Variants in SEMA6D observed in about 807,000 individuals in gnomAD.
The protein encoded by SEMA6D is semaphorin-6D.
Under a neutral mutation model 106.6 loss-of-function variants are expected in SEMA6D, and 35 were observed. The ratio of observed to expected loss-of-function variants is 0.33; its 90% CI spans 0.25 to 0.44. SEMA6D has a LOEUF of 0.44. Ranked by LOEUF, SEMA6D falls within the 20% of genes least tolerant of loss-of-function variation. The probability of loss-of-function intolerance (pLI) is 1.00; values close to 1 mark genes in which losing one functional copy is unlikely to be tolerated. For synonymous variants in SEMA6D, 499 were observed against 487.7 expected, an observed-to-expected ratio of 1.02 and a Z score of -0.31; for missense variants, 1,185 against 1,345.9, an observed-to-expected ratio of 0.88 and a Z score of 1.87.
At chr15:47,434,549 T>G (rs1297319611) in intron 2 of SEMA6D, among the ~76,000 whole-genome samples, 1 of 152,118 alleles carries the variant, frequency 6.6e-6, no homozygotes, top group African/African-American at 2.4e-5. Context: ...CAGTGATATA[T>G]AAACATAACT....
At chr15:47,238,501 C>A (rs993329418) in intron 1 of SEMA6D, among the ~76,000 whole-genome samples, 2 of 152,054 alleles carry the variant, frequency 1.3e-5, no homozygotes, top group Non-Finnish European at 1.5e-5. Flanking sequence ...TACTATAATA[C>A]GAATTATATT....
At chr15:47,387,604 A>G (rs1052633218) in intron 1 of SEMA6D, among the ~76,000 whole-genome samples, 1 of 152,258 alleles carries the variant, frequency 6.6e-6, no homozygotes. Context: ...TTCTAATTAT[A>G]TGACTAACTG....
chr15:47,250,731 C>T (rs1388491263), intron 1 of SEMA6D, among the ~76,000 whole-genome samples: 1 of 152,138 alleles, frequency 6.6e-6, no homozygotes, highest in African/African-American at 2.4e-5. Flanking sequence ...AATGAGCCAC[C>T]CCAGATTGAG....
chr15:47,233,497 G>T (rs2032345580), intron 1 of SEMA6D, among the ~76,000 whole-genome samples: 1 of 152,010 alleles, frequency 6.6e-6, no homozygotes, highest in East Asian at 1.9e-4. Flanking sequence ...AGTAACGATT[G>T]CATTGTATCT....
At chr15:47,524,275 G>A (rs116670177) in intron 3 of SEMA6D, among the ~76,000 whole-genome samples, 2,448 of 152,244 alleles carry the variant, frequency 0.016, 40 homozygotes, top group African/African-American at 0.038. Context: ...AACATGCTCA[G>A]CCTAATCCTC....
intron 1 of SEMA6D, among the ~76,000 whole-genome samples, chr15:47,379,264 G>T (rs2039555403): frequency 6.6e-6 from 1 of 152,082 alleles, no homozygotes; most frequent in African/African-American, 2.4e-5. Context: ...CTCAAAACTG[G>T]GATTTGAAAG....
At chr15:47,649,449 GA>G (rs933881616) in intron 4 of SEMA6D, among the ~76,000 whole-genome samples, 2 of 151,020 alleles carry the variant, frequency 1.3e-5, no homozygotes, top group Admixed American at 6.6e-5. Flanking sequence ...AATAAAAGAA[GA>G]AAAAAAAAGT....
chr15:47,765,270 G>T, intron 13 of SEMA6D: 1 of 1,326,622 alleles, frequency 7.5e-7, no homozygotes, highest in Non-Finnish European at 9.6e-7. Flanking sequence ...TAAAAATAAT[G>T]CAGCCCTTGT....
At chr15:47,705,538 T>C (rs535027975) in intron 4 of SEMA6D, among the ~76,000 whole-genome samples, 2 of 152,320 alleles carry the variant, frequency 1.3e-5, no homozygotes, top group African/African-American at 4.8e-5. Flanking sequence ...ATACATGACT[T>C]AATAATTTTC....
intron 1 of SEMA6D, among the ~76,000 whole-genome samples, chr15:47,365,818 G>A (rs974930177): frequency 1.3e-5 from 2 of 149,898 alleles, no homozygotes; most frequent in Non-Finnish European, 3.0e-5. Flanking sequence ...CCGAGATCAC[G>A]CCACTGCACT....
At chr15:47,250,782 C>G (rs1309903864) in intron 1 of SEMA6D, among the ~76,000 whole-genome samples, 1 of 152,228 alleles carries the variant, frequency 6.6e-6, no homozygotes, top group Non-Finnish European at 1.5e-5. Flanking sequence ...GCGTATGGCT[C>G]TCTTCTGTCA....
intron 1 of SEMA6D, among the ~76,000 whole-genome samples, chr15:47,299,522 AGCAGGGACT>A (rs1172707489): frequency 1.3e-5 from 2 of 152,258 alleles, no homozygotes; most frequent in African/African-American, 2.4e-5. Context: ...CAGTTGTTTC[AGCAGGGACT>A]GCAGGAGGGC....
exon 2 of SEMA6D, chr15:47,412,444 ATTTAAGG>A (rs1323081550): frequency 6.6e-6 from 1 of 152,622 alleles, no homozygotes; most frequent in African/African-American, 2.4e-5. Context: ...GAGGCCAGCA[ATTTAAGG>A]ATTTCACATT....
At chr15:47,691,079 A>G (rs963164377) in intron 4 of SEMA6D, among the ~76,000 whole-genome samples, 84 of 152,208 alleles carry the variant, frequency 5.5e-4, no homozygotes, top group African/African-American at 1.9e-3. Context: ...ATACCAAAGA[A>G]GCAATATTCA....
At chr15:47,319,669 C>T (rs561218980) in intron 1 of SEMA6D, among the ~76,000 whole-genome samples, 2 of 152,076 alleles carry the variant, frequency 1.3e-5, no homozygotes, top group East Asian at 1.9e-4. Flanking sequence ...CGGGTTAATT[C>T]GTTTCTCCTG....
chr15:47,385,705 C>G (rs892578931), intron 1 of SEMA6D, among the ~76,000 whole-genome samples: 1 of 151,956 alleles, frequency 6.6e-6, no homozygotes, highest in Non-Finnish European at 1.5e-5. Context: ...CAAGAATTAT[C>G]AAGAATTATA....
chr15:47,559,976 A>C (rs1450780498), intron 3 of SEMA6D, among the ~76,000 whole-genome samples: 1 of 152,156 alleles, frequency 6.6e-6, no homozygotes, highest in Non-Finnish European at 1.5e-5. Flanking sequence ...ACTAAAAATA[A>C]AACAAAATAA....
intron 4 of SEMA6D, among the ~76,000 whole-genome samples, chr15:47,678,529 A>C (rs2078289274): frequency 6.6e-6 from 1 of 152,140 alleles, no homozygotes; most frequent in Non-Finnish European, 1.5e-5. Flanking sequence ...TATTCTTTGC[A>C]TTTCACAGCT....
chr15:47,399,619 A>G (rs2040331444), intron 1 of SEMA6D: 1 of 152,228 alleles, frequency 6.6e-6, no homozygotes. Context: ...GTCAGCCGAG[A>G]GGAACTTATG....
Sources: gnomAD v4.1 joint callset for allele counts (sites outside exome capture counted in the v4.1 genomes callset) on GRCh38, gnomAD v4.1.1 for gene constraint, MANE v1.5 for transcripts, NCBI Gene and HGNC (gene_info 2026-07-23, HGNC 2026-07-21) for gene names.